The following CDH4 variants were observed in gnomAD, a reference collection of about 807,000 sequenced individuals.
CDH4 encodes the protein cadherin 4.
In CDH4, 33 loss-of-function variants were observed where a neutral mutation model predicts 86.0. The observed-to-expected ratio is 0.38, with a 90% CI of 0.29 to 0.51. The LOEUF (loss-of-function observed/expected upper bound fraction) is 0.51. Ranked by LOEUF, CDH4 falls within the 20% of genes least tolerant of loss-of-function variation. CDH4 has a pLI of 0.86. For missense variants in CDH4, 1,114 were observed against 1,307.4 expected (o/e 0.85, Z 2.28); for synonymous variants, 555 against 549.4 (o/e 1.01, Z -0.14).
intron 2 of CDH4, among the ~76,000 whole-genome samples, chr20:61,265,799 A>G (rs930359875): frequency 1.3e-5 from 2 of 152,174 alleles, no homozygotes; most frequent in Non-Finnish European, 2.9e-5. Flanking sequence ...GTCTATCTGA[A>G]GGAATGCTCC....
At chr20:61,728,376 T>C (rs911676899) in intron 2 of CDH4, among the ~76,000 whole-genome samples, 1 of 151,640 alleles carries the variant, frequency 6.6e-6, no homozygotes, top group Non-Finnish European at 1.5e-5. Flanking sequence ...AGATGGTGCC[T>C]TATTCTCATC....
chr20:61,306,624 G>A (rs3848708), intron 2 of CDH4, among the ~76,000 whole-genome samples: 86,019 of 152,036 alleles, frequency 0.57, 25,626 homozygotes, highest in Non-Finnish European at 0.66. Flanking sequence ...GTGAGCCACC[G>A]CACCCAGCCG....
At chr20:61,610,709 G>A (rs2086678761) in intron 2 of CDH4, among the ~76,000 whole-genome samples, 2 of 152,160 alleles carry the variant, frequency 1.3e-5, no homozygotes, top group Non-Finnish European at 2.9e-5. Flanking sequence ...CTTGATGCCT[G>A]TGGACATGTG....
chr20:61,910,193 G>A (rs2054834161), intron 8 of CDH4, among the ~76,000 whole-genome samples: 1 of 151,986 alleles, frequency 6.6e-6, no homozygotes. Flanking sequence ...GACATGGTGT[G>A]TTCTGTTTGT....
intron 2 of CDH4, among the ~76,000 whole-genome samples, chr20:61,731,083 G>A (rs1432440249): frequency 6.6e-6 from 1 of 152,002 alleles, no homozygotes; most frequent in Non-Finnish European, 1.5e-5. Context: ...TCAGGAGAAG[G>A]ATCTGCACCG....
intron 2 of CDH4, among the ~76,000 whole-genome samples, chr20:61,454,734 C>G (rs973664756): frequency 1.3e-4 from 20 of 152,116 alleles, no homozygotes; most frequent in African/African-American, 4.6e-4. Flanking sequence ...CATGAGCCAC[C>G]GCGCCCTGCT....
Position 61,681,618 on chromosome 20 carries a change from C to T in CDH4, c.170-61945C>T, listed in dbSNP as rs774798176. ...TAGCAGCTGGGAGGAGTCTCAGGATCCCCCTGCAGGAAGCCCGGAATCCCT... is the reference window on the plus strand; with the variant it reads ...TAGCAGCTGGGAGGAGTCTCAGGATTCCCCTGCAGGAAGCCCGGAATCCCT... On this transcript the variant is annotated intron_variant, in intron 2 of 15. Coordinates refer to ENST00000614565, the MANE Select transcript of CDH4 (RefSeq NM_001794.5). This position sits in a 1 kb window ranked among gnomAD's most constrained non-coding sequence, Gnocchi z 4.5. Among the ~76,000 whole-genome samples the T allele has an allele frequency of 6.6e-6, 1 of 152,170 alleles. No individual in the cohort carries two copies.
chr20:61,892,484 T>C (rs1347908687), intron 7 of CDH4, among the ~76,000 whole-genome samples: 1 of 152,076 alleles, frequency 6.6e-6, no homozygotes, highest in African/African-American at 2.4e-5. Flanking sequence ...GAATGAGTCA[T>C]GGATGAAGAG....
intron 2 of CDH4, among the ~76,000 whole-genome samples, chr20:61,378,673 C>T (rs1254714500): frequency 6.6e-6 from 1 of 152,152 alleles, no homozygotes; most frequent in African/African-American, 2.4e-5. Flanking sequence ...CCTGTAAATA[C>T]CATTTCTCCA....
At chr20:61,610,922 T>TG (rs2086680505) in intron 2 of CDH4, among the ~76,000 whole-genome samples, 2 of 151,084 alleles carry the variant, frequency 1.3e-5, no homozygotes, top group South Asian at 4.1e-4. Flanking sequence ...GTAAGGGTGC[T>TG]GGAGCTGTGT....
At chr20:61,936,643 C>G (rs2055193975) in intron 15 of CDH4, 94 bp from the exon 16 acceptor site, 1 of 1,031,694 alleles carries the variant, frequency 9.7e-7, no homozygotes, top group East Asian at 3.0e-5. Context: ...TCCTACCTCC[C>G]TACCTCTTCT....
intron 2 of CDH4, among the ~76,000 whole-genome samples, chr20:61,525,170 C>G (rs1264684371): frequency 6.6e-6 from 1 of 152,100 alleles, no homozygotes; most frequent in Non-Finnish European, 1.5e-5. Flanking sequence ...GCTCAGTCAT[C>G]CCCCCTATAA....
chr20:61,934,770 G>A (rs1316159320), intron 15 of CDH4, among the ~76,000 whole-genome samples: 2 of 151,656 alleles, frequency 1.3e-5, no homozygotes, highest in African/African-American at 2.4e-5. Flanking sequence ...CAGCAGGTGG[G>A]AGCCACACAG....
At chr20:61,418,242 G>A (rs1166198322) in intron 2 of CDH4, among the ~76,000 whole-genome samples, 2 of 137,524 alleles carry the variant, frequency 1.5e-5, no homozygotes, top group African/African-American at 5.6e-5. Context: ...ACAGAGTCTC[G>A]CTCTGTCCCC....
chr20:61,719,013 G>A (rs1330027549), intron 2 of CDH4: 1 of 471,232 alleles, frequency 2.1e-6, no homozygotes, highest in Non-Finnish European at 4.4e-6. Context: ...AGCATCACGA[G>A]TGGCTCTAAG....
At chr20:61,873,674 G>T in intron 6 of CDH4, 54 bp from the exon 7 acceptor site, 1 of 1,576,468 alleles carries the variant, frequency 6.3e-7, no homozygotes, top group Non-Finnish European at 8.6e-7. Context: ...TGTGTGCGGG[G>T]GTGGCAGCCT....
At chr20:61,832,524 G>A (rs1981670026) in intron 4 of CDH4, among the ~76,000 whole-genome samples, 1 of 152,166 alleles carries the variant, frequency 6.6e-6, no homozygotes, top group Admixed American at 6.5e-5. Context: ...CAGGGCTTGG[G>A]AAGCCTCAAG....
chr20:61,425,654 C>T (rs1183148282), intron 2 of CDH4, among the ~76,000 whole-genome samples: 1 of 152,256 alleles, frequency 6.6e-6, no homozygotes, highest in East Asian at 1.9e-4. Context: ...GGTGACGGCG[C>T]AGCCTGGACA....
At chr20:61,848,880 TGC>T (rs1353914884) in intron 5 of CDH4, among the ~76,000 whole-genome samples, 1 of 152,210 alleles carries the variant, frequency 6.6e-6, no homozygotes, top group Non-Finnish European at 1.5e-5. Flanking sequence ...GTTTTCTCCC[TGC>T]TTTGAAGATG....
Sources: allele counts gnomAD v4.1 joint callset (sites outside exome capture counted in the v4.1 genomes callset), GRCh38; gene constraint gnomAD v4.1.1; non-coding constraint Gnocchi (gnomAD v3.1); transcripts MANE v1.5; gene names NCBI Gene and HGNC (gene_info 2026-07-23, HGNC 2026-07-21).